CNTNAP5: variants seen among roughly 807,000 people sequenced by gnomAD.
The protein encoded by CNTNAP5 is contactin-associated protein-like 5.
In CNTNAP5, 72 loss-of-function variants were observed where a neutral mutation model predicts 150.2. The ratio of observed to expected loss-of-function variants is 0.48; its 90% CI spans 0.40 to 0.58. CNTNAP5 has a LOEUF of 0.58. Ranked by LOEUF, CNTNAP5 falls within the 20% of genes least tolerant of loss-of-function variation. The probability of loss-of-function intolerance (pLI) is 0.00; values close to 1 mark genes in which losing one functional copy is unlikely to be tolerated. For missense variants in CNTNAP5, 1,636 were observed against 1,626.2 expected (o/e 1.01, Z -0.10); for synonymous variants, 672 against 619.8 (o/e 1.08, Z -1.25).
chr2:124,290,804 T>C (rs1468041959), intron 3 of CNTNAP5, among the ~76,000 whole-genome samples: 2 of 152,306 alleles, frequency 1.3e-5, no homozygotes, highest in Non-Finnish European at 2.9e-5. Flanking sequence ...GGGCCCTCCT[T>C]CTGATTTCAA....
chr2:124,419,181 G>T (rs1573982375), intron 4 of CNTNAP5, among the ~76,000 whole-genome samples: 1 of 117,026 alleles, frequency 8.5e-6, no homozygotes, highest in East Asian at 2.6e-4. Context: ...AAGCTTTTAT[G>T]CTACAATTAA....
At chr2:124,264,778 A>C (rs1266363478) in intron 3 of CNTNAP5, among the ~76,000 whole-genome samples, 1 of 152,208 alleles carries the variant, frequency 6.6e-6, no homozygotes, top group Non-Finnish European at 1.5e-5. Flanking sequence ...AGCCGACAGC[A>C]GCTCTGGTCA....
At chr2:124,508,413 T>A (rs562785568) in intron 8 of CNTNAP5, among the ~76,000 whole-genome samples, 23 of 152,358 alleles carry the variant, frequency 1.5e-4, no homozygotes, top group Admixed American at 6.5e-4. Flanking sequence ...GGCATTGAGC[T>A]GTTTCTCTAT....
At chr2:124,587,817 G>A (rs1005128535) in intron 11 of CNTNAP5, among the ~76,000 whole-genome samples, 2 of 152,016 alleles carry the variant, frequency 1.3e-5, no homozygotes, top group Non-Finnish European at 2.9e-5. Flanking sequence ...AGTGAGTTGG[G>A]AAACATTCTT....
At chr2:124,874,934 T>C (rs925671618) in intron 21 of CNTNAP5, among the ~76,000 whole-genome samples, 2 of 152,024 alleles carry the variant, frequency 1.3e-5, no homozygotes, top group African/African-American at 4.8e-5. Context: ...TGTTTGCCCA[T>C]CTAGATTTCA....
At chr2:124,808,987 T>G (rs1278908855) in intron 19 of CNTNAP5, among the ~76,000 whole-genome samples, 1 of 152,116 alleles carries the variant, frequency 6.6e-6, no homozygotes, top group Non-Finnish European at 1.5e-5. Context: ...ACTTTTTTTT[T>G]TTCTCTATAC....
At chr2:124,382,331 A>G (rs1690817261) in intron 3 of CNTNAP5, among the ~76,000 whole-genome samples, 1 of 152,120 alleles carries the variant, frequency 6.6e-6, no homozygotes, top group Admixed American at 6.6e-5. Flanking sequence ...ATGTTCTAAA[A>G]ATATGAGGAA....
chr2:124,541,101 C>T (rs569378446), intron 10 of CNTNAP5, among the ~76,000 whole-genome samples: 1 of 149,882 alleles, frequency 6.7e-6, no homozygotes, highest in East Asian at 2.0e-4. Context: ...TGACTGTGAT[C>T]TCCATGTTCT....
At chr2:124,350,447 T>C (rs1689848699) in intron 3 of CNTNAP5, among the ~76,000 whole-genome samples, 1 of 147,774 alleles carries the variant, frequency 6.8e-6, no homozygotes, top group African/African-American at 2.5e-5. Flanking sequence ...AGATGGTTTG[T>C]GGCTTGTTTT....
chr2:124,701,426 A>G (rs535230880), intron 13 of CNTNAP5, among the ~76,000 whole-genome samples: 1 of 152,188 alleles, frequency 6.6e-6, no homozygotes, highest in African/African-American at 2.4e-5. Context: ...CATGCCTTCA[A>G]TGATGGATGC....
chr2:124,328,739 A>T (rs1248213120), intron 3 of CNTNAP5, among the ~76,000 whole-genome samples: 1 of 152,164 alleles, frequency 6.6e-6, no homozygotes, highest in Non-Finnish European at 1.5e-5. Flanking sequence ...GATATACAAA[A>T]GAAAGGCTTG....
At chr2:124,637,421 C>T (rs1677993935) in intron 12 of CNTNAP5, among the ~76,000 whole-genome samples, 2 of 152,114 alleles carry the variant, frequency 1.3e-5, no homozygotes, top group South Asian at 4.1e-4. Context: ...GTCTCATGAA[C>T]AATGCTTGCC....
At chr2:124,133,858 G>A (rs985420586) in intron 1 of CNTNAP5, among the ~76,000 whole-genome samples, 3 of 152,160 alleles carry the variant, frequency 2.0e-5, no homozygotes, top group Non-Finnish European at 4.4e-5. Flanking sequence ...ACCCCATAGT[G>A]TATATTTTAT....
intron 11 of CNTNAP5, among the ~76,000 whole-genome samples, chr2:124,570,176 T>C (rs148766251): frequency 2.5e-3 from 382 of 152,296 alleles, no homozygotes; most frequent in African/African-American, 8.6e-3. Flanking sequence ...CTTTGATGTA[T>C]ACCAAAAACA....
chr2:124,147,266 C>T (rs1684277034), intron 1 of CNTNAP5, among the ~76,000 whole-genome samples: 1 of 151,792 alleles, frequency 6.6e-6, no homozygotes, highest in Non-Finnish European at 1.5e-5. Flanking sequence ...AGTTTTTTTT[C>T]AAAATTCAGA....
intron 1 of CNTNAP5, among the ~76,000 whole-genome samples, chr2:124,137,780 TG>T (rs1684010964): frequency 6.6e-6 from 1 of 152,030 alleles, no homozygotes; most frequent in Non-Finnish European, 1.5e-5. Flanking sequence ...TGTGAACATG[TG>T]GAGAAGTCGG....
At chr2:124,682,278 G>A (rs773392577) in intron 13 of CNTNAP5, among the ~76,000 whole-genome samples, 3 of 152,058 alleles carry the variant, frequency 2.0e-5, no homozygotes, top group African/African-American at 2.4e-5. Flanking sequence ...AGCTAAAATC[G>A]CAACCTTATG....
intron 1 of CNTNAP5, among the ~76,000 whole-genome samples, chr2:124,038,537 A>G (rs897864730): frequency 3.1e-4 from 47 of 152,222 alleles, no homozygotes; most frequent in African/African-American, 1.1e-3. Context: ...CAATTAATCA[A>G]TGTAGTGTTC....
Position 124,915,977 on chromosome 2 carries a change from C to T in CNTNAP5, c.*1689C>T, listed in dbSNP as rs1678760310. The stretch of plus-strand genomic sequence containing the variant: ...CAATGACCACAGCTCTATTTGCCAT[C>T]CTTGACAGTTAGCAGACATTCCAAC... On this transcript the variant is annotated 3_prime_UTR_variant, in exon 24 of 24. Transcript: ENST00000682447. Among the ~76,000 whole-genome samples the T allele has an allele frequency of 6.6e-6, 1 of 152,048 alleles. No individual in the cohort carries two copies. The highest frequency in any genetic ancestry group is 2.1e-4 in the South Asian group (1 of 4,826).
Sources: gnomAD v4.1 joint callset for allele counts (sites outside exome capture counted in the v4.1 genomes callset) on GRCh38, gnomAD v4.1.1 for gene constraint, MANE v1.5 for transcripts, NCBI Gene and HGNC (gene_info 2026-07-23, HGNC 2026-07-21) for gene names.